Variants in ZNF467 observed in about 807,000 individuals in gnomAD.
ZNF467 encodes the protein zinc finger protein EZI.
In ZNF467, 51 loss-of-function variants were observed where a neutral mutation model predicts 47.8. That is an observed-to-expected ratio of 1.07 (90% confidence interval 0.85 to 1.35). The LOEUF (loss-of-function observed/expected upper bound fraction) is 1.35, where lower values mean the gene tolerates loss of function less well. Ranked by LOEUF, ZNF467 falls within the 40% of genes most tolerant of loss-of-function variation. ZNF467 has a pLI of 0.00. For synonymous variants in ZNF467, 416 were observed against 372.9 expected (o/e 1.12, Z -1.33); for missense variants, 992 against 858.1 (o/e 1.16, Z -1.95).
chr7:149,767,548 T>G (rs1005074590), intron 4 of ZNF467, among the ~76,000 whole-genome samples: 3 of 152,158 alleles, frequency 2.0e-5, no homozygotes, highest in Non-Finnish European at 4.4e-5. Context: ...CATCAATAGC[T>G]CCTATTTATT....
chr7:149,769,492 AG>A lies in ZNF467; in HGVS notation c.152-293del. Among the ~76,000 whole-genome samples, 1 of 152,238 alleles carries A rather than the reference AG, an allele frequency of 6.6e-6. No individual in the cohort carries two copies. Among genetic ancestry groups the A allele is most frequent in the South Asian group, 2.1e-4 (1 of 4,830 alleles). ...ATGTGTATGTAAGACAGTGGAAGCAAGGAAGTCCCCTGACCTGATGCCCCTA... is the reference window on the plus strand; with the variant it reads ...ATGTGTATGTAAGACAGTGGAAGCAAGAAGTCCCCTGACCTGATGCCCCTA... On this transcript the variant is annotated intron_variant, in intron 3 of 4. Transcript: ENST00000302017. The surrounding 1 kb of genome is among the most constrained non-coding windows in gnomAD (Gnocchi z 5.3).
upstream of ZNF467, among the ~76,000 whole-genome samples, chr7:149,773,680 A>G (rs1319477834): frequency 5.1e-4 from 17 of 33,176 alleles, no homozygotes; most frequent in Middle Eastern, 0.022. Context: ...GGGAACGAGG[A>G]GGGGCCGTGT....
chr7:149,767,464 C>A (rs1799259556), intron 4 of ZNF467, among the ~76,000 whole-genome samples: 1 of 152,234 alleles, frequency 6.6e-6, no homozygotes, highest in African/African-American at 2.4e-5. Flanking sequence ...TGATTCCAGA[C>A]CCCTGTCTAC....
At chr7:149,774,915 G>C (rs1302790570), upstream of ZNF467, among the ~76,000 whole-genome samples, 3 of 152,236 alleles carry the variant, frequency 2.0e-5, no homozygotes, top group East Asian at 5.8e-4. This position sits in a 1 kb window ranked among gnomAD's most constrained non-coding sequence, Gnocchi z 5.7. Flanking sequence ...CCCCTAGGTG[G>C]AATGACTCTA....
chr7:149,775,525 T>C (rs1186804665), upstream of ZNF467, among the ~76,000 whole-genome samples: 1 of 152,154 alleles, frequency 6.6e-6, no homozygotes, highest in Non-Finnish European at 1.5e-5. Flanking sequence ...AATAAAAGTA[T>C]AGAACTGTCT....
At chr7:149,775,708 T>TAC (rs3085320), upstream of ZNF467, among the ~76,000 whole-genome samples, 8,918 of 138,704 alleles carry the variant, frequency 0.064, 211 homozygotes, top group African/African-American at 0.067. Flanking sequence ...AGTGTGAAAA[T>TAC]ACACACACAC....
intron 1 of ZNF467, among the ~76,000 whole-genome samples, chr7:149,771,700 C>CTT (rs1799413067): frequency 2.0e-5 from 3 of 150,966 alleles, no homozygotes; most frequent in African/African-American, 7.3e-5. Context: ...CCGCCTTCCG[C>CTT]GGCTCCCCCG....
In ZNF467 at chr7:149,765,247, C is replaced by T. The variant is rs181349215; in HGVS notation, c.1255G>A (p.Val419Met). 110 of 1,467,704 alleles carry T rather than the reference C, an allele frequency of 7.5e-5. No homozygotes were observed. In the African/African-American group the frequency reaches 1.4e-3, roughly 18 times the overall value. The allele number at this position is 1,467,704 out of a possible 1,614,324, so 90.9% of individuals were successfully genotyped here. ...GPGCGPGSDP[V>M]VPQRAPSGER... ...CCCGAGGGGGCGCGCTGGGGCACCA[C>T]GGGATCGGATCCTGGGCCGCAGCCC... Residue 419 changes from valine to methionine, a missense_variant, in exon 5 of 5, where the codon GTG becomes ATG. By Grantham distance (21) the Val-to-Met change is conservative. Coordinates refer to ENST00000302017, the MANE Select transcript of ZNF467 (RefSeq NM_207336.3).
rs1196737665 is a variant in ZNF467, at chr7:149,765,075, G to A, written c.1427C>T (p.Ala476Val). The A allele has an allele frequency of 2.0e-6, 3 of 1,481,534 alleles. No individual in the cohort carries two copies. The highest frequency in any genetic ancestry group is 1.4e-5 in the African/African-American group (1 of 69,302). The allele number at this position is 1,481,534 out of a possible 1,614,324, so 91.8% of individuals were successfully genotyped here. Residue 476 changes from alanine to valine, a missense_variant, in exon 5 of 5, where the codon GCC (alanine) becomes GTC (valine). By Grantham distance (64) the Ala-to-Val change is moderately conservative. Transcript: ENST00000302017. Reference sequence around the variant, plus strand: ...GGCGCCGCTGTGGGCCCTGGAGTGGGCGACCAGATTAGGCCGCGAGCCGAA... The same window carrying A: ...GGCGCCGCTGTGGGCCCTGGAGTGGACGACCAGATTAGGCCGCGAGCCGAA... ...RRFGSRPNLVAHSRAHSGARP... is the reference protein window; with the variant it reads ...RRFGSRPNLVVHSRAHSGARP...
chr7:149,764,676 A>C lies in ZNF467; in HGVS notation c.*38T>G. ...GCGGTCTCATGGCACGGGCCTCTCG[A>C]AACTGTGGGCAAGAAAGGGTCCTCG... On this transcript the variant is annotated 3_prime_UTR_variant, in exon 5 of 5. Coordinates refer to ENST00000302017, the MANE Select transcript of ZNF467 (RefSeq NM_207336.3). 3.8e-6 allele frequency: 6 copies of C among 1,574,010 alleles called. No homozygotes were observed. The highest frequency in any genetic ancestry group is 5.2e-6 in the Non-Finnish European group (6 of 1,157,102).
intron 1 of ZNF467, 69 bp from the exon 2 acceptor site, chr7:149,771,143 CA>C (rs1799393424): frequency 8.3e-6 from 11 of 1,327,864 alleles, no homozygotes; most frequent in Middle Eastern, 1.8e-4. Context: ...TGGCTCTGCC[CA>C]ACCTCTCCCT....
chr7:149,770,659 C>G lies in ZNF467; in HGVS notation c.35-103G>C, dbSNP rs1799374214. Reference sequence around the variant, plus strand: ...TCCCAGCCTGCCCAAGAGACTTTTCCCAACCTGCTCAGGAAGGACAGGGTC... The same window carrying G: ...TCCCAGCCTGCCCAAGAGACTTTTCGCAACCTGCTCAGGAAGGACAGGGTC... On this transcript the variant is annotated intron_variant, in intron 2 of 4. Transcript: ENST00000302017. 6.1e-6 allele frequency: 6 copies of G among 976,802 alleles called. No individual in the cohort carries two copies. The Admixed American group carries it at 1.1e-4, about 18-fold the overall frequency. The allele number at this position is 976,802 out of a possible 1,614,324, so 60.5% of individuals were successfully genotyped here.
In ZNF467 at chr7:149,768,243, G is replaced by A. The variant is rs147734474; in HGVS notation, c.262+847C>T. ...TCTCAACCAGATTTTCTCTTCTGAG[G>A]TATGGACATTTTGTGTTCCATTTCT... On this transcript the variant is annotated intron_variant, in intron 4 of 4. Transcript: ENST00000302017. Among the ~76,000 whole-genome samples, 1,012 of 152,268 alleles carry A rather than the reference G, an allele frequency of 6.6e-3. 9 individuals are homozygous for A. The highest frequency in any genetic ancestry group is 0.023 in the African/African-American group (961 of 41,550).
In ZNF467 at chr7:149,765,082, G is replaced by A. The variant is rs756889373; in HGVS notation, c.1420C>T (p.Leu474=). ...CDRRFGSRPN[L]VAHSRAHSGA... is the part of the protein sequence containing the mutation. ...CTGTGGGCCCTGGAGTGGGCGACCA[G>A]ATTAGGCCGCGAGCCGAAGCGGCGG... Residue 474 remains leucine, a synonymous_variant, in exon 5 of 5, where the codon CTG becomes TTG. Coordinates refer to ENST00000302017, the MANE Select transcript of ZNF467 (RefSeq NM_207336.3). 24 of 1,474,840 alleles carry A rather than the reference G, an allele frequency of 1.6e-5. No homozygotes were observed. The highest frequency in any genetic ancestry group is 1.8e-4 in the Middle Eastern group (1 of 5,414). 91.4% of individuals were successfully genotyped at this position (1,474,840 alleles called of 1,614,324 possible).
rs1438930056 is a variant in ZNF467, at chr7:149,765,077, G to A, written c.1425C>T (p.Val475=). Residue 475 remains valine, a synonymous_variant, in exon 5 of 5, where the codon GTC becomes GTT. Transcript: ENST00000302017. ...DRRFGSRPNL[V]AHSRAHSGAR... ...CGCCGCTGTGGGCCCTGGAGTGGGCGACCAGATTAGGCCGCGAGCCGAAGC... is the reference window on the plus strand; with the variant it reads ...CGCCGCTGTGGGCCCTGGAGTGGGCAACCAGATTAGGCCGCGAGCCGAAGC... 2 of 1,479,306 alleles carry A rather than the reference G, an allele frequency of 1.4e-6. No individual in the cohort carries two copies. Among genetic ancestry groups the A allele is most frequent in the Non-Finnish European group, 1.8e-6 (2 of 1,120,060 alleles). 91.6% of individuals were successfully genotyped at this position (1,479,306 alleles called of 1,614,324 possible).
chr7:149,768,958 A>T, intron 4 of ZNF467, 132 bp downstream of exon 4: 1 of 708,092 alleles, frequency 1.4e-6, no homozygotes, highest in African/African-American at 1.8e-5. Context: ...CCTGAACTCA[A>T]CTTGGGTTAG....
intron 3 of ZNF467, 39 bp downstream of exon 3, chr7:149,770,401 G>A (rs1467726439): frequency 6.8e-7 from 1 of 1,477,488 alleles, no homozygotes; most frequent in Non-Finnish European, 9.3e-7. Flanking sequence ...AAAGCAGGGG[G>A]ACTCCTCCCT....
In ZNF467 at chr7:149,765,172, G is replaced by A; in HGVS notation, c.1330C>T (p.Gln444Ter). ...PDCGRGFSHGQHLARHPRVHT... is the reference protein window; with the variant it reads ...PDCGRGFSHG ...ACGCGCGGGTGCCGCGCCAGGTGCTGCCCATGGGAGAAGCCGCGCCCGCAG... is the reference window on the plus strand; with the variant it reads ...ACGCGCGGGTGCCGCGCCAGGTGCTACCCATGGGAGAAGCCGCGCCCGCAG... Residue 444 changes from glutamine (Q) to a stop codon, truncating the protein, a stop_gained, in exon 5 of 5, where the codon CAG becomes TAG. Transcript: ENST00000302017. LOFTEE classifies it high-confidence loss of function. 1 of 1,504,544 alleles carries A rather than the reference G, an allele frequency of 6.6e-7. No individual in the cohort carries two copies. The highest frequency in any genetic ancestry group is 8.8e-7 in the Non-Finnish European group (1 of 1,131,018). The allele number at this position is 1,504,544 out of a possible 1,614,324, so 93.2% of individuals were successfully genotyped here.
Position 149,765,044 on chromosome 7 carries a change from A to G in ZNF467, c.1458T>C (p.Pro486=). The G allele has an allele frequency of 6.6e-7, 1 of 1,525,944 alleles. No homozygotes were observed. The highest frequency in any genetic ancestry group is 8.8e-7 in the Non-Finnish European group (1 of 1,142,324). The allele number at this position is 1,525,944 out of a possible 1,614,324, so 94.5% of individuals were successfully genotyped here. A position where few individuals can be genotyped will look rare whatever the true frequency, so the allele number is the denominator to read the frequency against. The change falls in exon 5 of 5, where the codon CCT becomes CCC. Residue 486 remains proline (P), a synonymous_variant. Coordinates refer to ENST00000302017, the MANE Select transcript of ZNF467 (RefSeq NM_207336.3). The part of the protein sequence containing the change: ...AHSRAHSGAR[P]FACAQCGRRF... ...GGCGGCCGCACTGAGCGCAGGCGAAAGGCCTGGCGCCGCTGTGGGCCCTGG... is the reference window on the plus strand; with the variant it reads ...GGCGGCCGCACTGAGCGCAGGCGAAGGGCCTGGCGCCGCTGTGGGCCCTGG...
Sources: allele counts gnomAD v4.1 joint callset (sites outside exome capture counted in the v4.1 genomes callset), GRCh38; gene constraint gnomAD v4.1.1; non-coding constraint Gnocchi (gnomAD v3.1); transcripts MANE v1.5; gene names NCBI Gene and HGNC (gene_info 2026-07-23, HGNC 2026-07-21).